SLC6A5: variants seen among roughly 807,000 people sequenced by gnomAD.
The protein encoded by SLC6A5 is solute carrier family 6 member 5.
Under a neutral mutation model 90.5 loss-of-function variants are expected in SLC6A5, and 58 were observed. That is an observed-to-expected ratio of 0.64 (90% CI 0.52 to 0.80). SLC6A5 has a LOEUF of 0.80. Ranked by LOEUF, SLC6A5 falls within the 30% of genes least tolerant of loss-of-function variation. The pLI is 0.00. For missense variants in SLC6A5, 1,015 were observed against 1,017.6 expected (o/e 1.00, Z 0.03); for synonymous variants, 427 against 401.4 (o/e 1.06, Z -0.76).
intron 3 of SLC6A5, among the ~76,000 whole-genome samples, chr11:20,606,595 G>T (rs1432059394): frequency 6.6e-6 from 1 of 152,032 alleles, no homozygotes; most frequent in Non-Finnish European, 1.5e-5. Flanking sequence ...AGAAGATTTT[G>T]GGTCCTGGGA....
chr11:20,645,995 C>T (rs1244691768), intron 13 of SLC6A5, among the ~76,000 whole-genome samples: 2 of 152,188 alleles, frequency 1.3e-5, no homozygotes, highest in Non-Finnish European at 2.9e-5. Context: ...TATGAAGGAG[C>T]TTGAACTTGG....
chr11:20,654,195 C>T (rs182143913), intron 15 of SLC6A5, among the ~76,000 whole-genome samples: 9 of 152,166 alleles, frequency 5.9e-5, no homozygotes, highest in Admixed American at 3.9e-4. Flanking sequence ...TCACTCTTGG[C>T]GATGTATCTT....
chr11:20,641,305 T>C (rs1216466022), intron 13 of SLC6A5, among the ~76,000 whole-genome samples: 1 of 151,872 alleles, frequency 6.6e-6, no homozygotes. Flanking sequence ...CAACATGGAG[T>C]GGTCTTGATC....
At chr11:20,600,405 GAA>G (rs1852445500) in intron 1 of SLC6A5, among the ~76,000 whole-genome samples, 2 of 137,460 alleles carry the variant, frequency 1.5e-5, no homozygotes, top group Non-Finnish European at 3.2e-5. Context: ...AGAAGAAGAA[GAA>G]GAAGACCTAA....
intron 13 of SLC6A5, among the ~76,000 whole-genome samples, chr11:20,642,844 G>T (rs954056340): frequency 6.6e-6 from 1 of 152,230 alleles, no homozygotes; most frequent in African/African-American, 2.4e-5. Context: ...ATGGCACGGT[G>T]CAGGAGGGTT....
In SLC6A5 at chr11:20,607,590, G is replaced by T; in HGVS notation, c.923G>T (p.Trp308Leu). 1 of 1,614,010 alleles carries T rather than the reference G, an allele frequency of 6.2e-7. No individual in the cohort carries two copies. Among genetic ancestry groups the T allele is most frequent in the Non-Finnish European group, 8.5e-7 (1 of 1,179,946 alleles). The change falls in exon 5 of 16, where the codon TGG becomes TTG. Residue 308 changes from tryptophan (W) to leucine (L), a missense_variant. Physicochemically the swap from Trp to Leu is moderately conservative, Grantham distance 61. Coordinates refer to ENST00000525748, the MANE Select transcript of SLC6A5 (RefSeq NM_004211.5). ...GCCTCCTTTGTGTCTGTACTACCCTGGGGCTCCTGCAACAACCCTTGGAAT... is the reference window on the plus strand; with the variant it reads ...GCCTCCTTTGTGTCTGTACTACCCTTGGGCTCCTGCAACAACCCTTGGAAT... Reference protein sequence around the residue: ...LFASFVSVLPWGSCNNPWNTP... With the variant: ...LFASFVSVLPLGSCNNPWNTP...
chr11:20,624,144 A>G (rs950642788), intron 7 of SLC6A5, among the ~76,000 whole-genome samples: 1 of 148,978 alleles, frequency 6.7e-6, no homozygotes, highest in Non-Finnish European at 1.5e-5. Flanking sequence ...GGTTTTATAT[A>G]TATATATTAT....
At chr11:20,631,392 G>A (rs533532459) in intron 10 of SLC6A5, among the ~76,000 whole-genome samples, 1 of 152,158 alleles carries the variant, frequency 6.6e-6, no homozygotes, top group Non-Finnish European at 1.5e-5. Flanking sequence ...TGGGTGGAGA[G>A]GCATGTGGAA....
At chr11:20,639,249 T>C (rs1853268600) in intron 13 of SLC6A5, among the ~76,000 whole-genome samples, 1 of 152,092 alleles carries the variant, frequency 6.6e-6, no homozygotes, top group Non-Finnish European at 1.5e-5. Context: ...GCACTGTCGG[T>C]GAGTTCAAGA....
Position 20,646,893 on chromosome 11 carries a change from TG to T in SLC6A5, c.2031del (p.Trp677Ter). 1 of 1,613,986 alleles carries T rather than the reference TG, an allele frequency of 6.2e-7. No individual in the cohort carries two copies. ...MMIGFQPNIFWKVCWAFVTPT... is the reference protein window; with the variant it reads ...MMIGFQPNIFXKVCWAFVTPT... ...GATTGGATTCCAGCCTAACATCTTC[TG>T]GAAAGTCTGCTGGGCATTTGTAACC... On this transcript the variant is annotated frameshift_variant, in exon 14 of 16. Coordinates refer to ENST00000525748, the MANE Select transcript of SLC6A5 (RefSeq NM_004211.5). LOFTEE classifies it high-confidence loss of function.
At chr11:20,624,681 G>A (rs1752854261) in intron 7 of SLC6A5, among the ~76,000 whole-genome samples, 1 of 152,166 alleles carries the variant, frequency 6.6e-6, no homozygotes, top group Non-Finnish European at 1.5e-5. Flanking sequence ...AATGGAGGTG[G>A]CCCTGAACCA....
chr11:20,600,387 G>GAAGAAGAAC (rs1220233216), intron 1 of SLC6A5, among the ~76,000 whole-genome samples: 1 of 148,968 alleles, frequency 6.7e-6, no homozygotes, highest in East Asian at 2.0e-4. Context: ...AGAAGAAGAA[G>GAAGAAGAAC]AAGAAGAAGA....
Position 20,614,681 on chromosome 11 carries a change from T to G in SLC6A5, c.988T>G (p.Ser330Ala). Residue 330 changes from serine (S) to alanine (A), a missense_variant and splice_region_variant, in exon 6 of 16, where the codon TCC becomes GCC. This residue lies in a region of SLC6A5 where 567 missense variants were observed against 507.3 expected (regional missense o/e 1.12). Transcript: ENST00000525748. ...CKDKTKLLLDSCVISDHPKIQ... is the reference protein window; with the variant it reads ...CKDKTKLLLDACVISDHPKIQ... ...CTATTCTGTCCTCTCCTAAACAGATTCCTGTGTTATCAGTGACCATCCCAA... is the reference window on the plus strand; with the variant it reads ...CTATTCTGTCCTCTCCTAAACAGATGCCTGTGTTATCAGTGACCATCCCAA... 1 of 1,613,490 alleles carries G rather than the reference T, an allele frequency of 6.2e-7. No homozygotes were observed. The highest frequency in any genetic ancestry group is 8.5e-7 in the Non-Finnish European group (1 of 1,179,368).
At chr11:20,636,999 C>T (rs1458904885) in intron 11 of SLC6A5, among the ~76,000 whole-genome samples, 173 bp from the exon 12 acceptor site, 1 of 152,138 alleles carries the variant, frequency 6.6e-6, no homozygotes, top group Non-Finnish European at 1.5e-5. Flanking sequence ...GTTCTCTTGG[C>T]TGCCTGTGGG....
chr11:20,639,075 A>T (rs1453493879), intron 13 of SLC6A5, among the ~76,000 whole-genome samples: 1 of 152,178 alleles, frequency 6.6e-6, no homozygotes, highest in Non-Finnish European at 1.5e-5. Context: ...TTCCAGGAAT[A>T]GACTTCCAGT....
rs1852813192 is a variant in SLC6A5 at position 20,617,882 on chromosome 11, A to C, written c.1258A>C (p.Lys420Gln). Residue 420 changes from lysine to glutamine, a missense_variant and splice_region_variant, in exon 7 of 16, where the codon AAA (lysine) becomes CAA (glutamine). Physicochemically the swap from Lys to Gln is moderately conservative, Grantham distance 53 (BLOSUM62 1). This residue lies in a region of SLC6A5 where 442 missense variants were observed against 494.3 expected (regional missense o/e 0.89). Coordinates refer to ENST00000525748, the MANE Select transcript of SLC6A5 (RefSeq NM_004211.5). ...SLAKGIKTSG[K>Q]VVYFTATFPY... Reference sequence around the variant, plus strand: ...GGCTAAAGGAATCAAGACTTCAGGAAAAGTAAGCACTTGGATTTATCTAAG... The same window carrying C: ...GGCTAAAGGAATCAAGACTTCAGGACAAGTAAGCACTTGGATTTATCTAAG... The C allele has an allele frequency of 6.2e-7, 1 of 1,612,340 alleles. No homozygotes were observed.
chr11:20,627,205 C>T (rs1456697176), intron 8 of SLC6A5, among the ~76,000 whole-genome samples: 1 of 152,170 alleles, frequency 6.6e-6, no homozygotes, highest in African/African-American at 2.4e-5. Context: ...ACAAGCGATT[C>T]TATTTTAAAA....
intron 13 of SLC6A5, among the ~76,000 whole-genome samples, chr11:20,644,040 A>G (rs74357594): frequency 0.013 from 2,049 of 152,224 alleles, 57 homozygotes; most frequent in African/African-American, 0.048. Context: ...TATATTTTTC[A>G]TTTATTTATG....
intron 9 of SLC6A5, among the ~76,000 whole-genome samples, chr11:20,630,040 A>G (rs751653555): frequency 1.3e-5 from 2 of 152,180 alleles, no homozygotes; most frequent in Admixed American, 6.5e-5. Flanking sequence ...TTGTTAATAT[A>G]GTCATCCTAT....
Sources: allele counts gnomAD v4.1 joint callset (sites outside exome capture counted in the v4.1 genomes callset), GRCh38; gene constraint gnomAD v4.1.1; regional missense constraint gnomAD v4.1.1; transcripts MANE v1.5; gene names NCBI Gene and HGNC (gene_info 2026-07-23, HGNC 2026-07-21).